Variants in CARD6 observed in about 807,000 individuals in gnomAD.
CARD6 encodes the protein caspase recruitment domain family member 6.
A neutral mutation model predicts 23.6 loss-of-function variants in CARD6; 27 were observed. The ratio of observed to expected loss-of-function variants is 1.14; its 90% CI spans 0.84 to 1.58. CARD6 has a LOEUF of 1.58. Among genes scored for constraint, CARD6 ranks in the 40% most tolerant of loss-of-function variants. CARD6 has a pLI of 0.00. For missense variants in CARD6, 1,214 were observed against 1,209.9 expected, an observed-to-expected ratio of 1.00 and a Z score of -0.05; for synonymous variants, 397 against 431.8, an observed-to-expected ratio of 0.92 and a Z score of 1.00.
rs765374469 is a variant in CARD6 at position 40,854,465 on chromosome 5, C to G, written c.*19C>G. The G allele has an allele frequency of 6.3e-7, 1 of 1,581,838 alleles. No homozygotes were observed. The highest frequency in any genetic ancestry group is 8.7e-7 in the Non-Finnish European group (1 of 1,152,560). Reference sequence around the variant, plus strand: ...GCATTAAAGAGCTAACTCCAGAGATCTATAAAGCATATCCTTTACCCAGGC... The same window carrying G: ...GCATTAAAGAGCTAACTCCAGAGATGTATAAAGCATATCCTTTACCCAGGC... On this transcript the variant is annotated 3_prime_UTR_variant, in exon 3 of 3. Transcript: ENST00000254691.
chr5:40,848,147 C>T (rs979711332), intron 2 of CARD6, among the ~76,000 whole-genome samples: 2 of 147,534 alleles, frequency 1.4e-5, no homozygotes, highest in East Asian at 4.0e-4. Flanking sequence ...TTTAAAAATA[C>T]TTTATATTTT....
At position 40,847,403 on chromosome 5, in the gene CARD6, GGAACCAATAT is replaced by G. The variant is rs1159524739; in HGVS notation, c.841+3696_841+3705del. ...TTGTTGTTGGGTTCAACCATTGGGT[GGAACCAATAT>G]GTTTACCTTTCCCTGTGGCCTTTCT... On this transcript the variant is annotated intron_variant, in intron 2 of 2. Transcript: ENST00000254691. Among the ~76,000 whole-genome samples, 23 of 152,114 alleles carry G rather than the reference GGAACCAATAT, an allele frequency of 1.5e-4. 1 individual carries two copies. The highest frequency in any genetic ancestry group is 8.8e-5 in the Non-Finnish European group (6 of 68,018).
chr5:40,844,668 T>C (rs1745936909), intron 2 of CARD6, among the ~76,000 whole-genome samples: 1 of 152,176 alleles, frequency 6.6e-6, no homozygotes, highest in Non-Finnish European at 1.5e-5. Context: ...ATTTCAAATC[T>C]TGGGGACTCA....
At chr5:40,850,671 G>A (rs1459257115) in intron 2 of CARD6, among the ~76,000 whole-genome samples, 2 of 131,134 alleles carry the variant, frequency 1.5e-5, no homozygotes, top group African/African-American at 2.9e-5. Context: ...GCAGTGAGCC[G>A]AGATCGAGCC....
At position 40,843,347 on chromosome 5, in the gene CARD6, T is replaced by G. The variant is rs1025282273; in HGVS notation, c.479T>G (p.Leu160Trp). The change falls in exon 2 of 3, where the codon TTG (leucine) becomes TGG (tryptophan). Residue 160 changes from leucine (L) to tryptophan (W), a missense_variant. Physicochemically the swap from Leu to Trp is moderately conservative, Grantham distance 61. Transcript: ENST00000254691. ...AAAACTAGTTATAGGGAAACAGCTTTGTCTGCCAGGAAGAATGAGAAGGAA... is the reference window on the plus strand; with the variant it reads ...AAAACTAGTTATAGGGAAACAGCTTGGTCTGCCAGGAAGAATGAGAAGGAA... The part of the protein sequence containing the change: ...DKKTSYRETA[L>W]SARKNEKEYD... 2.5e-6 allele frequency: 4 copies of G among 1,614,050 alleles called. No homozygotes were observed. Among genetic ancestry groups the G allele is most frequent in the Non-Finnish European group, 3.4e-6 (4 of 1,180,036 alleles).
At position 40,841,662 on chromosome 5, in the gene CARD6, C is replaced by T. The variant is rs748989054; in HGVS notation, c.280C>T (p.His94Tyr). 9 of 1,610,912 alleles carry T rather than the reference C, an allele frequency of 5.6e-6. No individual in the cohort carries two copies. The African/African-American group carries it at 6.7e-5, about 12-fold the overall frequency. The change falls in exon 1 of 3, where the codon CAT becomes TAT. Residue 94 changes from histidine to tyrosine, a missense_variant. Coordinates refer to ENST00000254691, the MANE Select transcript of CARD6 (RefSeq NM_032587.4). The stretch of plus-strand genomic sequence containing the variant: ...GTCAGCTGCCATTTGCGGCTTAAGG[C>T]ATGGTAAGTTGACTTTGTATACTTT... ...PQSAAICGLR[H>Y]EVLKHENTVP...
At position 40,852,662 on chromosome 5, in the gene CARD6, GAA is replaced by G; in HGVS notation, c.1333_1334del (p.Lys445ValfsTer19). The G allele has an allele frequency of 6.2e-7, 1 of 1,614,208 alleles. No individual in the cohort carries two copies. The highest frequency in any genetic ancestry group is 8.5e-7 in the Non-Finnish European group (1 of 1,180,026). ...QFSGGPTEDT[E>X]KFLTLMKMPV... ...TTCAGGGGGGCCTACAGAGGATACA[GAA>G]AAGTTTCTGACTCTCATGAAGATGC... On this transcript the variant is annotated frameshift_variant, in exon 3 of 3. Transcript: ENST00000254691. LOFTEE classifies it low-confidence loss of function (END_TRUNC).
Position 40,852,991 on chromosome 5 carries a change from G to C in CARD6, c.1659G>C (p.Val553=). The change falls in exon 3 of 3, where the codon GTG becomes GTC. Residue 553 remains valine, a synonymous_variant. Transcript: ENST00000254691. ...FGFLMEVSSA[V]FFFTDCLGEK... ...TTTTGATGGAAGTTTCTTCAGCTGT[G>C]TTTTTTTTCACTGACTGTTTAGGTG... The C allele has an allele frequency of 6.2e-7, 1 of 1,613,876 alleles. No individual in the cohort carries two copies. The highest frequency in any genetic ancestry group is 2.2e-5 in the East Asian group (1 of 44,880).
chr5:40,847,501 A>AT (rs1745986189), intron 2 of CARD6, among the ~76,000 whole-genome samples: 1 of 151,826 alleles, frequency 6.6e-6, no homozygotes, highest in Admixed American at 6.6e-5. Flanking sequence ...AAATTTATTT[A>AT]TTTTTTCTCT....
chr5:40,852,507 G>A lies in CARD6; in HGVS notation c.1175G>A (p.Arg392His), dbSNP rs377732886. 16 of 1,614,020 alleles carry A rather than the reference G, an allele frequency of 9.9e-6. No individual in the cohort carries two copies. The highest frequency in any genetic ancestry group is 8.0e-5 in the African/African-American group (6 of 74,902). ...TMLCSDSSLQRQVMSNMYQCQ... is the reference protein window; with the variant it reads ...TMLCSDSSLQHQVMSNMYQCQ... ...CTGTGTTCAGATAGCTCTTTGCAAC[G>A]CCAAGTCATGTCAAACATGTATCAG... The change falls in exon 3 of 3, where the codon CGC becomes CAC. Residue 392 changes from arginine to histidine, a missense_variant. By Grantham distance (29) the Arg-to-His change is conservative. Coordinates refer to ENST00000254691, the MANE Select transcript of CARD6 (RefSeq NM_032587.4).
chr5:40,854,155 G>A lies in CARD6; in HGVS notation c.2823G>A (p.Gln941=). ...IGSHPMCKSS[Q]FKSDQSNPST... ...CCCATCCCATGTGCAAGAGCTCTCAGTTCAAATCCGATCAGTCCAACCCAT... is the reference window on the plus strand; with the variant it reads ...CCCATCCCATGTGCAAGAGCTCTCAATTCAAATCCGATCAGTCCAACCCAT... Residue 941 remains glutamine (Q), a synonymous_variant, in exon 3 of 3, where the codon CAG becomes CAA. Transcript: ENST00000254691. The A allele has an allele frequency of 6.2e-7, 1 of 1,614,184 alleles. No homozygotes were observed. Among genetic ancestry groups the A allele is most frequent in the South Asian group, 1.1e-5 (1 of 91,086 alleles).
At chr5:40,848,210 GTTTT>G (rs200993412) in intron 2 of CARD6, among the ~76,000 whole-genome samples, 1 of 124,976 alleles carries the variant, frequency 8.0e-6, no homozygotes. Flanking sequence ...AATTTTAATT[GTTTT>G]TTTTTTTTTT....
chr5:40,851,899 T>A (rs1371366215), intron 2 of CARD6, among the ~76,000 whole-genome samples: 6 of 151,700 alleles, frequency 4.0e-5, no homozygotes, highest in Non-Finnish European at 8.8e-5. Flanking sequence ...TCCCAGCACT[T>A]TGGGAGTTTC....
At chr5:40,842,036 T>C (rs1745872257) in intron 1 of CARD6, among the ~76,000 whole-genome samples, 2 of 152,236 alleles carry the variant, frequency 1.3e-5, no homozygotes, top group African/African-American at 4.8e-5. Context: ...ATATTTACAG[T>C]GCCAAGACCA....
intron 2 of CARD6, among the ~76,000 whole-genome samples, chr5:40,850,053 C>T (rs186803423): frequency 9.2e-5 from 14 of 151,800 alleles, no homozygotes; most frequent in East Asian, 5.9e-4. Context: ...ATGTAAACTC[C>T]GAGAAAAACT....
intron 2 of CARD6, among the ~76,000 whole-genome samples, chr5:40,846,371 G>T (rs1017641538): frequency 6.6e-6 from 1 of 151,984 alleles, no homozygotes; most frequent in South Asian, 2.1e-4. Flanking sequence ...CAAGGTGGAG[G>T]GGGGGAGACA....
Position 40,852,165 on chromosome 5 carries a change from C to G in CARD6, c.842-9C>G, listed in dbSNP as rs1368579613. On this transcript the variant is annotated splice_polypyrimidine_tract_variant and intron_variant, in intron 2 of 2. Transcript: ENST00000254691. ...AACATGGCATTCACTATTATCTTCT[C>G]TCCTACAGAAAGAAAAAAGGTGTTT... 2 of 1,552,760 alleles carry G rather than the reference C, an allele frequency of 1.3e-6. No individual in the cohort carries two copies. The highest frequency in any genetic ancestry group is 1.8e-5 in the Admixed American group (1 of 56,646).
chr5:40,848,841 T>G (rs939444302), intron 2 of CARD6, among the ~76,000 whole-genome samples: 1 of 152,152 alleles, frequency 6.6e-6, no homozygotes, highest in African/African-American at 2.4e-5. Flanking sequence ...TTTATAAAAT[T>G]GAGATTAGTT....
At chr5:40,846,310 G>A (rs1405756002) in intron 2 of CARD6, among the ~76,000 whole-genome samples, 2 of 152,102 alleles carry the variant, frequency 1.3e-5, no homozygotes, top group Non-Finnish European at 2.9e-5. Flanking sequence ...ACCGCGCCTG[G>A]CCAAGTATAT....
Sources: gnomAD v4.1 joint callset for allele counts (sites outside exome capture counted in the v4.1 genomes callset) on GRCh38, gnomAD v4.1.1 for gene constraint, MANE v1.5 for transcripts, NCBI Gene and HGNC (gene_info 2026-07-23, HGNC 2026-07-21) for gene names.